TENM2: variants seen among roughly 807,000 people sequenced by gnomAD.
TENM2 encodes teneurin-2.
In TENM2, 52 loss-of-function variants were observed where a neutral mutation model predicts 245.2. The observed-to-expected ratio is 0.21, with a 90% CI of 0.17 to 0.27. TENM2 has a LOEUF of 0.27. TENM2 is among the 10% of genes least tolerant of loss of function. The pLI is 1.00. For missense variants in TENM2, 3,046 were observed against 3,666.8 expected (o/e 0.83, Z 4.37); for synonymous variants, 1,363 against 1,438.9 (o/e 0.95, Z 1.19).
intron 13 of TENM2, among the ~76,000 whole-genome samples, chr5:168,187,972 T>G (rs529816810): frequency 5.9e-5 from 9 of 152,264 alleles, no homozygotes; most frequent in Admixed American, 5.2e-4. Context: ...ATTGTGTAAA[T>G]CTAAATGTGT....
At chr5:167,772,139 C>T (rs180981684) in intron 2 of TENM2, among the ~76,000 whole-genome samples, 1 of 152,222 alleles carries the variant, frequency 6.6e-6, no homozygotes, top group East Asian at 1.9e-4. Context: ...TCACATTTTA[C>T]CCACATGATT....
intron 1 of TENM2, among the ~76,000 whole-genome samples, chr5:167,363,180 G>A (rs1227159367): frequency 6.6e-6 from 1 of 152,184 alleles, no homozygotes; most frequent in Non-Finnish European, 1.5e-5. Flanking sequence ...TTAGCCCACA[G>A]TAGGTTTTCA....
chr5:167,684,407 T>G (rs1045569200), intron 2 of TENM2, among the ~76,000 whole-genome samples: 5 of 152,222 alleles, frequency 3.3e-5, no homozygotes, highest in African/African-American at 1.2e-4. Context: ...TGTATCTACC[T>G]GATCGAGATT....
intron 2 of TENM2, among the ~76,000 whole-genome samples, chr5:167,426,273 C>A (rs990524269): frequency 2.0e-5 from 3 of 152,078 alleles, no homozygotes; most frequent in Admixed American, 2.0e-4. Context: ...TTCAAATATG[C>A]GCACTTCTAT....
chr5:168,076,565 A>G (rs373712614), intron 7 of TENM2, among the ~76,000 whole-genome samples: 1 of 152,082 alleles, frequency 6.6e-6, no homozygotes, highest in Non-Finnish European at 1.5e-5. Context: ...TCCCTCCCTG[A>G]CATTATATTC....
At chr5:167,404,287 G>C (rs1277226115) in intron 2 of TENM2, among the ~76,000 whole-genome samples, 1 of 151,912 alleles carries the variant, frequency 6.6e-6, no homozygotes, top group African/African-American at 2.4e-5. Flanking sequence ...GGAATTTCCT[G>C]GTGCATTTCC....
chr5:167,959,965 C>T (rs1780873123), intron 4 of TENM2, among the ~76,000 whole-genome samples: 1 of 152,184 alleles, frequency 6.6e-6, no homozygotes, highest in African/African-American at 2.4e-5. Flanking sequence ...AGCTGCAGGT[C>T]TGCTGAAGTT....
chr5:167,685,355 G>C (rs1757003458), intron 2 of TENM2, among the ~76,000 whole-genome samples: 1 of 152,150 alleles, frequency 6.6e-6, no homozygotes, highest in South Asian at 2.1e-4. Context: ...TGAAACTCTG[G>C]GTCTTCATAA....
chr5:167,752,708 C>A (rs572105883), intron 2 of TENM2, among the ~76,000 whole-genome samples: 2 of 152,184 alleles, frequency 1.3e-5, no homozygotes, highest in East Asian at 3.9e-4. Flanking sequence ...TCCACCTATA[C>A]GTGAGCGTGG....
intron 1 of TENM2, among the ~76,000 whole-genome samples, chr5:167,350,765 T>TATATATATATGGGATATATACATATGG (rs1561883714): frequency 1.1e-4 from 14 of 132,388 alleles, no homozygotes; most frequent in Non-Finnish European, 1.6e-4. Flanking sequence ...TACATATGGA[T>TATATATATATGGGATATATACATATGG]ATATATATAT....
At position 168,080,740 on chromosome 5, in the gene TENM2, T is replaced by A. The variant is rs1225727218; in HGVS notation, c.1516-9834T>A. Among the ~76,000 whole-genome samples the A allele has an allele frequency of 2.0e-5, 3 of 152,184 alleles. No homozygotes were observed. The East Asian group carries it at 5.8e-4, about 29-fold the overall frequency. The stretch of plus-strand genomic sequence containing the variant: ...TTCAGTTTCCATGTAGTTGAGCGAT[T>A]CTGAGTGAGTTTCTTAATCCTGAAT... On this transcript the variant is annotated intron_variant, in intron 7 of 28. Coordinates refer to ENST00000518659, the Ensembl canonical transcript of TENM2.
intron 2 of TENM2, among the ~76,000 whole-genome samples, chr5:167,846,258 C>T (rs556587243): frequency 1.5e-4 from 23 of 152,320 alleles, no homozygotes; most frequent in East Asian, 5.8e-4. Flanking sequence ...GCTTCTGCCA[C>T]GTAGTCAGCC....
chr5:168,199,168 A>G (rs1761714667), intron 16 of TENM2, 54 bp downstream of exon 18: 1 of 1,552,844 alleles, frequency 6.4e-7, no homozygotes, highest in East Asian at 2.3e-5. Flanking sequence ...ACGAAAACCA[A>G]CTGGACACTG....
intron 6 of TENM2, among the ~76,000 whole-genome samples, chr5:168,056,491 A>G (rs1404176036): frequency 1.3e-5 from 2 of 152,248 alleles, no homozygotes; most frequent in East Asian, 1.9e-4. Flanking sequence ...GTTTCAGCCA[A>G]TGATTGGCCA....
chr5:168,067,827 A>G (rs191851291), intron 7 of TENM2, among the ~76,000 whole-genome samples: 84 of 152,272 alleles, frequency 5.5e-4, no homozygotes, highest in African/African-American at 1.9e-3. Context: ...ATGTGGAGGC[A>G]ATGCCAGGGT....
chr5:167,141,816 CAG>C, the TENM2 span, among the ~76,000 whole-genome samples: 15 of 152,188 alleles, frequency 9.9e-5, no homozygotes, highest in African/African-American at 3.6e-4. Context: ...CTGATTAAAA[CAG>C]ATAATTTTCT....
At chr5:167,258,229 G>GTATATATATA in the TENM2 span, among the ~76,000 whole-genome samples, 2 of 145,356 alleles carry the variant, frequency 1.4e-5, no homozygotes, top group African/African-American at 5.1e-5. Context: ...ATATATATGT[G>GTATATATATA]TATATATATA....
chr5:167,509,735 A>G (rs1283992967), intron 2 of TENM2, among the ~76,000 whole-genome samples: 1 of 152,220 alleles, frequency 6.6e-6, no homozygotes, highest in Non-Finnish European at 1.5e-5. Context: ...TTTCAGAGGC[A>G]TTGCCTCACA....
intron 13 of TENM2, among the ~76,000 whole-genome samples, chr5:168,170,113 T>G (rs940788041): frequency 2.0e-5 from 3 of 152,196 alleles, no homozygotes; most frequent in Admixed American, 6.5e-5. Context: ...TGAAATAAGA[T>G]CTTTGACTTC....
Sources: gnomAD v4.1 joint callset for allele counts (sites outside exome capture counted in the v4.1 genomes callset) on GRCh38, gnomAD v4.1.1 for gene constraint, MANE v1.5 for transcripts, NCBI Gene and HGNC (gene_info 2026-07-23, HGNC 2026-07-21) for gene names.